ABCB11: variants seen among roughly 807,000 people sequenced by gnomAD.
ABCB11 encodes the protein bile salt export pump.
ABCB11 carries 95 observed loss-of-function variants against 148.0 expected under a neutral mutation model. The ratio of observed to expected loss-of-function variants is 0.64; its 90% CI spans 0.54 to 0.76. The LOEUF is 0.76. ABCB11 is among the 30% of genes least tolerant of loss of function. The pLI is 0.00. For synonymous variants in ABCB11, 591 were observed against 555.4 expected, an observed-to-expected ratio of 1.06 and a Z score of -0.90; for missense variants, 1,523 against 1,617.8, an observed-to-expected ratio of 0.94 and a Z score of 1.01.
At chr2:168,941,008 A>G (rs558476956) in intron 21 of ABCB11, among the ~76,000 whole-genome samples, 2 of 152,184 alleles carry the variant, frequency 1.3e-5, no homozygotes, top group South Asian at 4.1e-4. Flanking sequence ...ATTAGTGCTC[A>G]TTGACAACGC....
chr2:168,950,460 T>C (rs1479806649), intron 19 of ABCB11, among the ~76,000 whole-genome samples: 2 of 151,746 alleles, frequency 1.3e-5, no homozygotes, highest in African/African-American at 4.8e-5. Context: ...TTTTTATACT[T>C]TTTAAAGATA....
intron 25 of ABCB11, among the ~76,000 whole-genome samples, chr2:168,929,458 C>G (rs1340123095): frequency 6.6e-6 from 1 of 152,102 alleles, no homozygotes; most frequent in Non-Finnish European, 1.5e-5. Context: ...GTAAATGTAA[C>G]TCACTATTTG....
At chr2:168,964,642 T>C (rs1425574068) in intron 17 of ABCB11, among the ~76,000 whole-genome samples, 1 of 151,812 alleles carries the variant, frequency 6.6e-6, no homozygotes, top group Admixed American at 6.6e-5. Flanking sequence ...CCCACATGGT[T>C]CTGCTAATTG....
chr2:168,991,629 T>C (rs1694527547), intron 8 of ABCB11, among the ~76,000 whole-genome samples: 2 of 152,018 alleles, frequency 1.3e-5, no homozygotes, highest in Non-Finnish European at 2.9e-5. Context: ...TATAAAAATA[T>C]ATATAATACC....
intron 19 of ABCB11, among the ~76,000 whole-genome samples, chr2:168,954,699 A>G (rs904855376): frequency 2.0e-5 from 3 of 151,678 alleles, no homozygotes; most frequent in Non-Finnish European, 4.4e-5. Context: ...ATAATATATA[A>G]TGGTGAATTC....
At chr2:168,953,589 G>C (rs1475518976) in intron 19 of ABCB11, among the ~76,000 whole-genome samples, 1 of 151,160 alleles carries the variant, frequency 6.6e-6, no homozygotes, top group African/African-American at 2.4e-5. Flanking sequence ...TGTCTTTATA[G>C]GTAAGGTGAG....
At chr2:168,945,694 G>A (rs1261472281) in intron 19 of ABCB11, among the ~76,000 whole-genome samples, 1 of 151,596 alleles carries the variant, frequency 6.6e-6, no homozygotes, top group Admixed American at 6.6e-5. Context: ...ATCGAGATCT[G>A]GAAATGTTGT....
chr2:168,918,957 G>T (rs1225340776), downstream of ABCB11, among the ~76,000 whole-genome samples: 1 of 151,734 alleles, frequency 6.6e-6, no homozygotes, highest in Non-Finnish European at 1.5e-5. Flanking sequence ...AGATATATAT[G>T]TACATAAATC....
chr2:168,986,764 G>A (rs891588924), intron 9 of ABCB11, among the ~76,000 whole-genome samples: 2 of 152,052 alleles, frequency 1.3e-5, no homozygotes, highest in Non-Finnish European at 2.9e-5. Context: ...TGGCTGAGAC[G>A]CTGTGTTGTG....
intron 10 of ABCB11, among the ~76,000 whole-genome samples, chr2:168,985,791 G>C (rs867433491): frequency 3.5e-4 from 54 of 152,130 alleles, no homozygotes; most frequent in African/African-American, 1.1e-3. Flanking sequence ...GGGACTCAGC[G>C]GAAAAGGGTA....
At chr2:168,968,233 C>CA (rs34130824) in intron 17 of ABCB11, among the ~76,000 whole-genome samples, 194 bp downstream of exon 17, 3 of 151,018 alleles carry the variant, frequency 2.0e-5, no homozygotes, top group African/African-American at 4.8e-5. Flanking sequence ...AGAAGCTAAC[C>CA]AAAAACCCAT....
At position 168,927,323 on chromosome 2, in the gene ABCB11, A is replaced by T; in HGVS notation, c.3451T>A (p.Phe1151Ile). 1 of 1,613,918 alleles carries T rather than the reference A, an allele frequency of 6.2e-7. No individual in the cohort carries two copies. Among genetic ancestry groups the T allele is most frequent in the Non-Finnish European group, 8.5e-7 (1 of 1,179,804 alleles). ...GHDSKKVNVQ[F>I]LRSNIGIVSQ... ...ACAATTCCAATGTTTGAGCGGAGGA[A>T]CTGGACATTTACTTTTTTGCTGTCA... Residue 1151 changes from phenylalanine (F) to isoleucine (I), a missense_variant, in exon 26 of 28, where the codon TTC becomes ATC. Phe to Ile is a conservative substitution (Grantham distance 21). Transcript: ENST00000650372.
chr2:168,978,608 C>T (rs754348831), intron 11 of ABCB11, among the ~76,000 whole-genome samples: 1 of 151,980 alleles, frequency 6.6e-6, no homozygotes, highest in Non-Finnish European at 1.5e-5. Flanking sequence ...TCAGGGAGCC[C>T]GCAAATCACC....
At chr2:169,009,472 G>A (rs939007790) in intron 5 of ABCB11, among the ~76,000 whole-genome samples, 11 of 150,622 alleles carry the variant, frequency 7.3e-5, no homozygotes, top group Admixed American at 2.0e-4. Context: ...GCAAACTATC[G>A]CGAGGACAAA....
In ABCB11 at chr2:168,957,945, A is replaced by G. The variant is rs771052126; in HGVS notation, c.2343+19T>C. The G allele has an allele frequency of 8.1e-5, 121 of 1,499,178 alleles. No homozygotes were observed. The highest frequency in any genetic ancestry group is 5.4e-4 in the Middle Eastern group (3 of 5,538). 92.9% of individuals were successfully genotyped at this position (1,499,178 alleles called of 1,614,324 possible). ...TAAAAGGTATGAGAAGAAGAAAGCT[A>G]GTCCAGCTGTGTACTTACCCCAAGA... On this transcript the variant is annotated intron_variant, in intron 19 of 27. Transcript: ENST00000650372.
intron 11 of ABCB11, among the ~76,000 whole-genome samples, chr2:168,979,556 G>C (rs1315680685): frequency 6.6e-6 from 1 of 151,294 alleles, no homozygotes; most frequent in South Asian, 2.1e-4. Context: ...CTAGTTCCCT[G>C]TTGCATTCAC....
Position 169,005,571 on chromosome 2 carries a change from G to C in ABCB11, c.389+7701C>G, listed in dbSNP as rs549201818. 1.2e-4 allele frequency among the ~76,000 whole-genome samples: 19 copies of C among 152,208 alleles called. No individual in the cohort carries two copies. The East Asian group carries it at 3.5e-3, about 28-fold the overall frequency. ...CCACCGTGCCCCCAACAACAGCACT[G>C]AATCTATTTCCAGGCAGCCAGTGAC... On this transcript the variant is annotated intron_variant, in intron 5 of 27. Transcript: ENST00000650372.
At chr2:168,971,207 G>C (rs139492187) in intron 14 of ABCB11, among the ~76,000 whole-genome samples, 1 of 152,116 alleles carries the variant, frequency 6.6e-6, no homozygotes, top group East Asian at 1.9e-4. Context: ...TTGCTCAACA[G>C]GGTTGTTGTG....
chr2:168,951,088 G>T (rs954522311), intron 19 of ABCB11, among the ~76,000 whole-genome samples: 1 of 151,404 alleles, frequency 6.6e-6, no homozygotes, highest in Non-Finnish European at 1.5e-5. Context: ...TTGGTTTTAG[G>T]TATGTGGCTT....
Sources: allele counts gnomAD v4.1 joint callset (sites outside exome capture counted in the v4.1 genomes callset), GRCh38; gene constraint gnomAD v4.1.1; transcripts MANE v1.5; gene names NCBI Gene and HGNC (gene_info 2026-07-23, HGNC 2026-07-21).